The following FGF13 variants were observed in gnomAD, a reference collection of about 807,000 sequenced individuals.
FGF13 encodes fibroblast growth factor homologous factor 2.
In FGF13, 2 loss-of-function variants were observed where a neutral mutation model predicts 19.5. That is an observed-to-expected ratio of 0.10 (90% confidence interval 0.04 to 0.32). FGF13 has a LOEUF of 0.32. Ranked by LOEUF, FGF13 falls within the 10% of genes least tolerant of loss-of-function variation. The probability of loss-of-function intolerance (pLI) is 1.00; values close to 1 mark genes in which losing one functional copy is unlikely to be tolerated. For synonymous variants in FGF13, 72 were observed against 76.9 expected (o/e 0.94, Z 0.33); for missense variants, 113 against 192.7 (o/e 0.59, Z 2.45).
intron 3 of FGF13, among the ~76,000 whole-genome samples, chrX:138,766,331 T>C (rs1283038881): frequency 8.9e-6 from 1 of 112,089 alleles, no homozygotes; most frequent in Non-Finnish European, 1.9e-5. Context: ...CTCTTGCTAA[T>C]GTGAAATTTT....
chrX:139,113,701 T>C (rs2124466666), intron 1 of FGF13, among the ~76,000 whole-genome samples: 1 of 112,047 alleles, frequency 8.9e-6, no homozygotes, highest in South Asian at 3.8e-4. Context: ...ATGATGAGAA[T>C]ACCTTTTAAT....
At chrX:139,079,039 T>C (rs1234386616) in intron 1 of FGF13, among the ~76,000 whole-genome samples, 1 of 112,410 alleles carries the variant, frequency 8.9e-6, no homozygotes, top group Non-Finnish European at 1.9e-5. Flanking sequence ...ATAGCTAATT[T>C]GCTGCTTAGG....
chrX:138,987,574 C>A (rs1450661987), intron 1 of FGF13, among the ~76,000 whole-genome samples: 1 of 111,965 alleles, frequency 8.9e-6, no homozygotes, highest in African/African-American at 3.2e-5. Flanking sequence ...TAATACTGAC[C>A]AAAATGACTT....
At chrX:139,008,889 A>T (rs769364360) in intron 1 of FGF13, among the ~76,000 whole-genome samples, 6 of 112,192 alleles carry the variant, frequency 5.3e-5, no homozygotes, top group African/African-American at 1.9e-4. Flanking sequence ...CAGAAGGTCA[A>T]TTATTAAGCT....
At chrX:138,965,905 T>A (rs1343249530) in intron 1 of FGF13, among the ~76,000 whole-genome samples, 2 of 112,002 alleles carry the variant, frequency 1.8e-5, no homozygotes, top group Non-Finnish European at 3.8e-5. Context: ...AAAGCTTTGG[T>A]TTTTATTTTT....
chrX:138,834,651 T>C (rs2091098932), intron 3 of FGF13, among the ~76,000 whole-genome samples: 1 of 110,786 alleles, frequency 9.0e-6, no homozygotes, highest in Non-Finnish European at 1.9e-5. Flanking sequence ...CATGTTTCTA[T>C]CTCCTTCAGT....
rs1188502069 is a variant in FGF13 at position 139,034,674 on chromosome X, C to T, written c.-113+168742G>A. 2.7e-5 allele frequency among the ~76,000 whole-genome samples: 3 copies of T among 111,327 alleles called. No individual in the cohort carries two copies. In the Admixed American group the frequency reaches 2.9e-4, roughly 11 times the overall value. On this transcript the variant is annotated intron_variant, in intron 1 of 2. Coordinates refer to the FGF13 transcript ENST00000421460. ...ATGCGGATTCCAAGCATCTTGAAGA[C>T]TGGGCTTATTTTTCTTAAATACTTC... is the stretch of plus-strand genomic sequence containing the variant.
intron 3 of FGF13, among the ~76,000 whole-genome samples, chrX:138,649,570 T>G (rs1295592379): frequency 1.8e-5 from 2 of 112,148 alleles, no homozygotes; most frequent in Admixed American, 1.9e-4. Context: ...TCCTCGGCCC[T>G]GTCATGGATC....
chrX:139,152,523 T>C (rs141590115), intron 1 of FGF13, among the ~76,000 whole-genome samples: 1,345 of 109,756 alleles, frequency 0.012, 18 homozygotes, highest in African/African-American at 0.042. Flanking sequence ...GGGGGAAAGG[T>C]TGGAAAGGTG....
intron 3 of FGF13, among the ~76,000 whole-genome samples, chrX:138,660,035 CT>C (rs2089475057): frequency 0.016 from 1 of 62 alleles, no homozygotes; most frequent in African/African-American, 0.053. Flanking sequence ...TGTAACAAGC[CT>C]GCACTTCTGC....
At chrX:138,964,617 G>A (rs5976233) in intron 1 of FGF13, among the ~76,000 whole-genome samples, 1,855 of 111,643 alleles carry the variant, frequency 0.017, 38 homozygotes, top group African/African-American at 0.056. Flanking sequence ...GGTTTATTTG[G>A]CTCACAGTTC....
intron 3 of FGF13, among the ~76,000 whole-genome samples, chrX:138,806,007 G>T (rs1167539994): frequency 1.8e-5 from 2 of 111,397 alleles, no homozygotes; most frequent in African/African-American, 3.3e-5. Flanking sequence ...GACTCAGTAT[G>T]GGTGTTTAAT....
intron 3 of FGF13, among the ~76,000 whole-genome samples, chrX:138,813,832 A>G (rs1291142607): frequency 9.0e-6 from 1 of 111,408 alleles, no homozygotes; most frequent in Non-Finnish European, 1.9e-5. Context: ...GAGTATTCTC[A>G]TTGGTTTTGG....
intron 3 of FGF13, among the ~76,000 whole-genome samples, chrX:138,769,749 C>T (rs980042773): frequency 8.9e-6 from 1 of 111,980 alleles, no homozygotes; most frequent in Non-Finnish European, 1.9e-5. Flanking sequence ...TTATTGTTGC[C>T]GAAGAGGACT....
At chrX:139,112,763 G>A (rs770938830) in intron 1 of FGF13, among the ~76,000 whole-genome samples, 3 of 111,827 alleles carry the variant, frequency 2.7e-5, no homozygotes, top group Admixed American at 9.5e-5. Flanking sequence ...ACACAGTACC[G>A]GCTAATGTCT....
At chrX:139,047,762 T>A (rs754501853) in intron 1 of FGF13, among the ~76,000 whole-genome samples, 16 of 112,191 alleles carry the variant, frequency 1.4e-4, no homozygotes, top group Non-Finnish European at 2.3e-4. Context: ...TCATATATGT[T>A]AATTTACTCC....
intron 1 of FGF13, among the ~76,000 whole-genome samples, chrX:138,956,795 T>C (rs2091843388): frequency 9.0e-6 from 1 of 111,674 alleles, no homozygotes; most frequent in Admixed American, 9.5e-5. Flanking sequence ...CGATGATCTG[T>C]AGGGTTGTCC....
At chrX:138,703,232 T>C (rs1419585010) in intron 2 of FGF13, 145 bp from the exon 3 acceptor site, 6 of 466,786 alleles carry the variant, frequency 1.3e-5, no homozygotes, top group Non-Finnish European at 1.9e-5. Flanking sequence ...TAGACATGCA[T>C]ACACATACAG....
At chrX:138,918,727 C>A (rs2091630510) in intron 1 of FGF13, among the ~76,000 whole-genome samples, 1 of 111,393 alleles carries the variant, frequency 9.0e-6, no homozygotes, top group Admixed American at 9.6e-5. Flanking sequence ...AGGAGGGTAG[C>A]ACAAGATGAT....
Sources: gnomAD v4.1 joint callset for allele counts (sites outside exome capture counted in the v4.1 genomes callset) on GRCh38, gnomAD v4.1.1 for gene constraint, MANE v1.5 for transcripts, NCBI Gene and HGNC (gene_info 2026-07-23, HGNC 2026-07-21) for gene names.